TTC28: variants seen among roughly 807,000 people sequenced by gnomAD.
The protein encoded by TTC28 is tetratricopeptide repeat domain 28.
A neutral mutation model predicts 198.0 loss-of-function variants in TTC28; 61 were observed. The ratio of observed to expected loss-of-function variants is 0.31; its 90% CI spans 0.25 to 0.38. The LOEUF is 0.38. Ranked by LOEUF, TTC28 falls within the 10% of genes least tolerant of loss-of-function variation. The pLI is 1.00. For synonymous variants in TTC28, 1,171 were observed against 1,297.8 expected (o/e 0.90, Z 2.10); for missense variants, 2,678 against 3,164.0 (o/e 0.85, Z 3.69).
At chr22:28,355,732 G>C (rs974487044) in intron 2 of TTC28, among the ~76,000 whole-genome samples, 1 of 152,200 alleles carries the variant, frequency 6.6e-6, no homozygotes, top group African/African-American at 2.4e-5. Context: ...GAGCCAATGT[G>C]ACAGCTGCCC....
At chr22:28,451,268 A>G (rs1324292289) in intron 2 of TTC28, among the ~76,000 whole-genome samples, 1 of 152,230 alleles carries the variant, frequency 6.6e-6, no homozygotes, top group Non-Finnish European at 1.5e-5. Flanking sequence ...TAGAGACCTC[A>G]GAAAGGTCAT....
chr22:28,587,155 G>A (rs1425064693), intron 2 of TTC28, among the ~76,000 whole-genome samples: 7 of 152,056 alleles, frequency 4.6e-5, no homozygotes, highest in Non-Finnish European at 8.8e-5. Flanking sequence ...CCGGGAGTTC[G>A]AGACCATCCT....
rs534687849 is a variant in TTC28 at position 28,154,077 on chromosome 22, C to A, written c.1441+9015G>T. Reference sequence around the variant, plus strand: ...GTCTCCCTACTGACTTTCCTAATTGCAGTTCATCCTAAAGTGAGATGAGAG... The same window carrying A: ...GTCTCCCTACTGACTTTCCTAATTGAAGTTCATCCTAAAGTGAGATGAGAG... On this transcript the variant is annotated intron_variant, in intron 6 of 22. Coordinates refer to ENST00000397906, the MANE Select transcript of TTC28 (RefSeq NM_001145418.2). Among the ~76,000 whole-genome samples the A allele has an allele frequency of 3.9e-5, 6 of 152,274 alleles. 1 individual carries two copies. The highest frequency in any genetic ancestry group is 1.4e-4 in the African/African-American group (6 of 41,556).
intron 2 of TTC28, among the ~76,000 whole-genome samples, chr22:28,502,940 G>T (rs976518239): frequency 1.3e-5 from 2 of 152,066 alleles, no homozygotes; most frequent in Admixed American, 1.3e-4. Flanking sequence ...CTACCTGACA[G>T]ATTTTTTCTA....
At chr22:28,362,490 G>A (rs964318757) in intron 2 of TTC28, among the ~76,000 whole-genome samples, 3 of 152,208 alleles carry the variant, frequency 2.0e-5, no homozygotes, top group Non-Finnish European at 2.9e-5. Flanking sequence ...ATTGGTACCA[G>A]TAGAGAGGGG....
intron 2 of TTC28, among the ~76,000 whole-genome samples, chr22:28,562,619 G>A (rs889242455): frequency 2.0e-5 from 3 of 151,980 alleles, no homozygotes; most frequent in African/African-American, 7.3e-5. Context: ...GTAGAAGGGA[G>A]TAGCTGAAAA....
chr22:28,590,034 C>CAGAAAAAAAAAA (rs2050396172), intron 2 of TTC28, among the ~76,000 whole-genome samples: 1 of 68,076 alleles, frequency 1.5e-5, no homozygotes, highest in Non-Finnish European at 2.4e-5. Context: ...AAGACTCCAT[C>CAGAAAAAAAAAA]AAAAAAAAAA....
intron 6 of TTC28, among the ~76,000 whole-genome samples, chr22:28,128,231 T>C (rs1012356708): frequency 6.6e-6 from 1 of 151,996 alleles, no homozygotes; most frequent in East Asian, 1.9e-4. Flanking sequence ...GGCAGGAAAA[T>C]TGCTTGAACC....
intron 1 of TTC28, among the ~76,000 whole-genome samples, chr22:28,640,983 A>G (rs570296484): frequency 6.6e-6 from 1 of 152,350 alleles, no homozygotes; most frequent in African/African-American, 2.4e-5. Context: ...ATTAGTGAAT[A>G]AACAAAATGT....
At chr22:28,328,574 T>C (rs1049150001) in intron 2 of TTC28, among the ~76,000 whole-genome samples, 15 of 151,396 alleles carry the variant, frequency 9.9e-5, no homozygotes, top group Non-Finnish European at 2.1e-4. Flanking sequence ...GCCAACCCGG[T>C]GAAACCACGT....
intron 2 of TTC28, among the ~76,000 whole-genome samples, chr22:28,408,929 A>G (rs1346877438): frequency 6.6e-6 from 1 of 152,224 alleles, no homozygotes; most frequent in Non-Finnish European, 1.5e-5. Flanking sequence ...CTTGCATAGA[A>G]TTTCTTCAGA....
chr22:28,481,687 GAATA>G (rs1568971388), intron 2 of TTC28, among the ~76,000 whole-genome samples: 1 of 152,138 alleles, frequency 6.6e-6, no homozygotes, highest in Non-Finnish European at 1.5e-5. Context: ...TGAGGTAAAT[GAATA>G]AATTCAAATG....
Position 28,600,278 on chromosome 22 carries a change from G to C in TTC28, c.381+29274C>G, listed in dbSNP as rs191032208. Among the ~76,000 whole-genome samples, 195 of 152,038 alleles carry C rather than the reference G, an allele frequency of 1.3e-3. 1 individual carries two copies. The highest frequency in any genetic ancestry group is 3.4e-3 in the African/African-American group (140 of 41,502). Reference sequence around the variant, plus strand: ...AAAACAGCTGGGCATGGTGGCACACGCCTGTAGTCCCCGCTACCTAAGAGG... The same window carrying C: ...AAAACAGCTGGGCATGGTGGCACACCCCTGTAGTCCCCGCTACCTAAGAGG... On this transcript the variant is annotated intron_variant, in intron 2 of 22. Transcript: ENST00000397906.
chr22:28,384,504 C>T (rs2046544359), intron 2 of TTC28, among the ~76,000 whole-genome samples: 1 of 152,182 alleles, frequency 6.6e-6, no homozygotes, highest in African/African-American at 2.4e-5. Context: ...ACATAAGCTC[C>T]ATGAAAGCAG....
intron 2 of TTC28, among the ~76,000 whole-genome samples, chr22:28,574,713 C>T (rs2050119011): frequency 1.3e-5 from 2 of 152,106 alleles, no homozygotes; most frequent in South Asian, 4.1e-4. Flanking sequence ...TGGATAAAAG[C>T]CATTTTTACT....
intron 5 of TTC28, among the ~76,000 whole-genome samples, chr22:28,268,201 T>G (rs1012225241): frequency 1.3e-5 from 2 of 152,190 alleles, no homozygotes; most frequent in Admixed American, 1.3e-4. Context: ...GGTTTCTACT[T>G]GAATGGCTCT....
intron 2 of TTC28, among the ~76,000 whole-genome samples, chr22:28,342,982 C>A (rs890943068): frequency 6.6e-6 from 1 of 152,052 alleles, no homozygotes; most frequent in Non-Finnish European, 1.5e-5. Flanking sequence ...GAACCAACTA[C>A]TCTCACAAAA....
chr22:28,350,592 G>T (rs952828531), intron 2 of TTC28, among the ~76,000 whole-genome samples: 3 of 152,094 alleles, frequency 2.0e-5, no homozygotes, highest in Admixed American at 6.6e-5. Context: ...TCTGTAATCA[G>T]TTTATCTTGT....
At chr22:28,586,561 T>C (rs997198290) in intron 2 of TTC28, among the ~76,000 whole-genome samples, 1 of 152,122 alleles carries the variant, frequency 6.6e-6, no homozygotes, top group Non-Finnish European at 1.5e-5. Flanking sequence ...TAAAACCTGA[T>C]GATCTTTCTT....
Sources: gnomAD v4.1 joint callset for allele counts (sites outside exome capture counted in the v4.1 genomes callset) on GRCh38, gnomAD v4.1.1 for gene constraint, MANE v1.5 for transcripts, NCBI Gene and HGNC (gene_info 2026-07-23, HGNC 2026-07-21) for gene names.